Variants in PLXND1 observed in about 807,000 individuals in gnomAD.
The protein encoded by PLXND1 is plexin D1, also known as plexin-D1.
Under a neutral mutation model 197.7 loss-of-function variants are expected in PLXND1, and 54 were observed. That is an observed-to-expected ratio of 0.27 (90% CI 0.22 to 0.34). PLXND1 has a LOEUF of 0.34. Among genes scored for constraint, PLXND1 ranks in the 10% least tolerant of loss-of-function variants. The probability of loss-of-function intolerance (pLI) is 1.00; values close to 1 mark genes in which losing one functional copy is unlikely to be tolerated. For synonymous variants in PLXND1, 1,180 were observed against 1,161.2 expected (o/e 1.02, Z -0.33); for missense variants, 2,127 against 2,699.2 (o/e 0.79, Z 4.70).
At chr3:129,570,488 A>G (rs2085208155) in intron 19 of PLXND1, among the ~76,000 whole-genome samples, 1 of 152,148 alleles carries the variant, frequency 6.6e-6, no homozygotes, top group Non-Finnish European at 1.5e-5. Flanking sequence ...CTGCCTCTAC[A>G]TGGTGCCTGG....
intron 1 of PLXND1, among the ~76,000 whole-genome samples, chr3:129,603,330 C>A (rs187793506): frequency 1.3e-5 from 2 of 152,310 alleles, no homozygotes; most frequent in East Asian, 3.9e-4. Flanking sequence ...GTCACTGCAC[C>A]GAGGGAGCGG....
Position 129,583,594 on chromosome 3 carries a change from A to C in PLXND1, c.2214T>G (p.Ser738=), listed in dbSNP as rs1265875189. Residue 738 remains serine (S), a synonymous_variant, in exon 8 of 36, where the codon TCT becomes TCG. Transcript: ENST00000324093. ...SQQHSCVSNQ[S]RCEASPNPTS... ...TGGGGTTTGGTGAGGCCTCGCACCG[A>C]GACTGGTTGGAAACACAGGAGTGCT... is the stretch of plus-strand genomic sequence containing the variant. 2 of 1,613,936 alleles carry C rather than the reference A, an allele frequency of 1.2e-6. No individual in the cohort carries two copies. The highest frequency in any genetic ancestry group is 1.7e-6 in the Non-Finnish European group (2 of 1,179,910).
At chr3:129,588,598 C>T (rs2085493812) in intron 2 of PLXND1, among the ~76,000 whole-genome samples, 1 of 152,262 alleles carries the variant, frequency 6.6e-6, no homozygotes, top group Admixed American at 6.5e-5. Flanking sequence ...TCTGCCCAGG[C>T]AGTGGGTTGG....
intron 1 of PLXND1, among the ~76,000 whole-genome samples, chr3:129,603,372 G>C (rs867517642): frequency 5.9e-5 from 9 of 152,192 alleles, no homozygotes; most frequent in East Asian, 1.9e-4. Flanking sequence ...CTTGCCAGAG[G>C]GGGAGGGAAC....
chr3:129,575,598 G>C, intron 10 of PLXND1, 36 bp from the exon 11 acceptor site: 2 of 1,451,152 alleles, frequency 1.4e-6, no homozygotes, highest in Non-Finnish European at 1.9e-6. Context: ...GGGGGCATGG[G>C]CAATGCCTGG....
chr3:129,564,470 AC>A (rs1248423980), intron 25 of PLXND1, among the ~76,000 whole-genome samples: 1 of 152,106 alleles, frequency 6.6e-6, no homozygotes, highest in Non-Finnish European at 1.5e-5. Flanking sequence ...ACAAAGCAAG[AC>A]CCCCATCTCT....
chr3:129,599,999 A>T (rs1385642225), intron 1 of PLXND1, among the ~76,000 whole-genome samples: 1 of 152,220 alleles, frequency 6.6e-6, no homozygotes, highest in Non-Finnish European at 1.5e-5. Context: ...GGCAGCCATG[A>T]GGTCAACCAT....
chr3:129,563,133 C>G lies in PLXND1; in HGVS notation c.4629G>C (p.Glu1543Asp). Residue 1543 changes from glutamate to aspartate, a missense_variant, in exon 26 of 36, where the codon GAG (glutamate) becomes GAC (aspartate). This residue lies in a region of PLXND1 where 532 missense variants were observed against 811.0 expected (regional missense o/e 0.66). Coordinates refer to ENST00000324093, the MANE Select transcript of PLXND1 (RefSeq NM_015103.3). ...CGATGTTCTCCCGCAGCAGCCACTC[C>G]TCACTGAGTGTGTAGCGGGCCTTGC... is the stretch of plus-strand genomic sequence containing the variant. Reference protein sequence around the residue: ...ITGKARYTLSEEWLLRENIEA... With the variant: ...ITGKARYTLSDEWLLRENIEA... 1 of 1,613,642 alleles carries G rather than the reference C, an allele frequency of 6.2e-7. No individual in the cohort carries two copies. The highest frequency in any genetic ancestry group is 8.5e-7 in the Non-Finnish European group (1 of 1,179,776).
Position 129,597,623 on chromosome 3 carries a change from C to T in PLXND1, c.1311+7706G>A, listed in dbSNP as rs549477219. Among the ~76,000 whole-genome samples, 104 of 152,366 alleles carry T rather than the reference C, an allele frequency of 6.8e-4. 1 individual carries two copies. Among genetic ancestry groups the T allele is most frequent in the African/African-American group, 2.4e-3 (100 of 41,586 alleles). On this transcript the variant is annotated intron_variant, in intron 1 of 35. Transcript: ENST00000324093. ...ATTTATCAAGTTTCAGGGTAAAGGA[C>T]GGTGGACTAGGCGGGGAGGGCCCCC... is the stretch of plus-strand genomic sequence containing the variant.
In PLXND1 at chr3:129,605,397, C is replaced by A; in HGVS notation, c.1243G>T (p.Val415Leu). The change falls in exon 1 of 36, where the codon GTG (valine) becomes TTG (leucine). Residue 415 changes from valine (V) to leucine (L), a missense_variant. Coordinates refer to ENST00000324093, the MANE Select transcript of PLXND1 (RefSeq NM_015103.3). Reference sequence around the variant, plus strand: ...ACCACGCTGTCGAGCACCGCCACCACGTCGGGCGCCGGTTCCACGAAGCAG... The same window carrying A: ...ACCACGCTGTCGAGCACCGCCACCAAGTCGGGCGCCGGTTCCACGAAGCAG... ...TACFVEPAPD[V>L]VAVLDSVVQG... 1 of 1,500,526 alleles carries A rather than the reference C, an allele frequency of 6.7e-7. No homozygotes were observed. The highest frequency in any genetic ancestry group is 8.8e-7 in the Non-Finnish European group (1 of 1,132,726). The allele number at this position is 1,500,526 out of a possible 1,614,324, so 93.0% of individuals were successfully genotyped here.
In PLXND1 at chr3:129,605,932, G is replaced by A; in HGVS notation, c.708C>T (p.Pro236=). 1.2e-6 allele frequency: 2 copies of A among 1,613,394 alleles called. No individual in the cohort carries two copies. The highest frequency in any genetic ancestry group is 2.2e-5 in the South Asian group (2 of 91,082). The change falls in exon 1 of 36, where the codon CCC becomes CCT. Residue 236 remains proline (P), a synonymous_variant. Coordinates refer to ENST00000324093, the MANE Select transcript of PLXND1 (RefSeq NM_015103.3). ...SLEDHRFENT[P]EIAIRSLDTR... The stretch of plus-strand genomic sequence containing the variant: ...TGTCCAGGGAGCGGATGGCGATCTC[G>A]GGCGTGTTCTCGAAGCGGTGGTCCT...
Position 129,557,341 on chromosome 3 carries a change from C to A in PLXND1, c.5446-118G>T. On this transcript the variant is annotated intron_variant, in intron 33 of 35. Transcript: ENST00000324093. This position sits in a 1 kb window ranked among gnomAD's most constrained non-coding sequence, Gnocchi z 4.8. ...AAGTGACCTTAGCAGGCCCCCGAGG[C>A]CCAAAGAGTCTCACCCGGTCACTGA... 8.9e-7 allele frequency: 1 copy of A among 1,122,100 alleles called. No homozygotes were observed. The highest frequency in any genetic ancestry group is 2.5e-5 in the East Asian group (1 of 40,190). 69.5% of individuals were successfully genotyped at this position (1,122,100 alleles called of 1,614,324 possible). A position where few individuals can be genotyped will look rare whatever the true frequency, so the allele number is the denominator to read the frequency against.
intron 1 of PLXND1, 24 bp downstream of exon 1, chr3:129,605,305 G>GCCA: frequency 8.8e-7 from 1 of 1,134,954 alleles, no homozygotes; most frequent in Non-Finnish European, 1.1e-6. Flanking sequence ...CGCCGCCGCC[G>GCCA]CCGCCGCCAC....
At chr3:129,596,785 G>A (rs1439664973) in intron 1 of PLXND1, among the ~76,000 whole-genome samples, 2 of 152,252 alleles carry the variant, frequency 1.3e-5, no homozygotes, top group African/African-American at 4.8e-5. Flanking sequence ...CGCAGGCTGT[G>A]CTCTGCAGCA....
intron 20 of PLXND1, 130 bp downstream of exon 20, chr3:129,569,713 C>T: frequency 1.5e-6 from 1 of 648,098 alleles, no homozygotes; most frequent in South Asian, 1.7e-5. Flanking sequence ...CTAACCTGTT[C>T]CCATGGCCAA....
chr3:129,562,797 G>A lies in PLXND1; in HGVS notation c.4815C>T (p.Asp1605=), dbSNP rs139879532. ...VPYSQWPRAE[D]VDLEWFASST... ...CCCATTCCCACCCACCAAGGTCGAC[G>A]TCCTCTGCACGCGGCCACTGGGAGT... Residue 1605 remains aspartate, a synonymous_variant, in exon 27 of 36, where the codon GAC becomes GAT. Transcript: ENST00000324093. 1.5e-5 allele frequency: 24 copies of A among 1,595,596 alleles called. No homozygotes were observed. The highest frequency in any genetic ancestry group is 1.3e-4 in the African/African-American group (10 of 74,698).
intron 12 of PLXND1, among the ~76,000 whole-genome samples, chr3:129,573,954 C>G (rs963866716): frequency 7.2e-5 from 11 of 152,138 alleles, no homozygotes; most frequent in African/African-American, 2.4e-4. Flanking sequence ...ACTGAGCCCA[C>G]GTGGGCCTGG....
intron 1 of PLXND1, among the ~76,000 whole-genome samples, chr3:129,600,342 A>T (rs551340096): frequency 2.4e-4 from 36 of 152,034 alleles, no homozygotes; most frequent in African/African-American, 8.7e-4. Flanking sequence ...TGATACTAAT[A>T]CCTGTGCCTG....
intron 12 of PLXND1, 104 bp downstream of exon 12, chr3:129,574,232 G>C (rs961029717): frequency 1.6e-5 from 16 of 1,028,002 alleles, no homozygotes; most frequent in Non-Finnish European, 2.2e-5. Context: ...CCCATGTGTC[G>C]GTGTATGTGC....
Sources: gnomAD v4.1 joint callset for allele counts (sites outside exome capture counted in the v4.1 genomes callset) on GRCh38, gnomAD v4.1.1 for gene constraint, gnomAD v4.1.1 regional missense constraint, Gnocchi (gnomAD v3.1) non-coding constraint, MANE v1.5 for transcripts, NCBI Gene and HGNC (gene_info 2026-07-23, HGNC 2026-07-21) for gene names.